The following SOX6 variants were observed in gnomAD, a reference collection of about 807,000 sequenced individuals.
SOX6 encodes SRY-box transcription factor 6, also known as transcription factor SOX-6.
Under a neutral mutation model 97.8 loss-of-function variants are expected in SOX6, and 11 were observed. That is an observed-to-expected ratio of 0.11 (90% CI 0.07 to 0.19). The LOEUF (loss-of-function observed/expected upper bound fraction) is 0.19, where lower values mean the gene tolerates loss of function less well. Among genes scored for constraint, SOX6 ranks in the 10% least tolerant of loss-of-function variants. The pLI, the probability that SOX6 is intolerant of heterozygous loss-of-function variation, is 1.00. For missense variants in SOX6, 810 were observed against 1,039.5 expected, an observed-to-expected ratio of 0.78 and a Z score of 3.04; for synonymous variants, 360 against 371.4, an observed-to-expected ratio of 0.97 and a Z score of 0.35.
Position 16,229,489 on chromosome 11 carries a change from G to A in SOX6, c.535+5093C>T, listed in dbSNP as rs7106378. Among the ~76,000 whole-genome samples, 1,102 of 151,890 alleles carry A rather than the reference G, an allele frequency of 7.3e-3. 16 individuals carry two copies. Among genetic ancestry groups the A allele is most frequent in the African/African-American group, 0.025 (1,017 of 41,480 alleles). The stretch of plus-strand genomic sequence containing the variant: ...AGCAGAATTGACAAATCCAAAAACT[G>A]GATTATTGGGGGAGGTAGAGCAATA... On this transcript the variant is annotated intron_variant, in intron 4 of 15. Transcript: ENST00000683767.
intron 3 of SOX6, among the ~76,000 whole-genome samples, chr11:16,691,625 C>A (rs905133920): frequency 2.0e-5 from 3 of 152,130 alleles, no homozygotes; most frequent in African/African-American, 7.2e-5. Context: ...AGCAAAACCC[C>A]ATCTCTACAA....
At chr11:16,471,772 C>G (rs933445605) in intron 1 of SOX6, among the ~76,000 whole-genome samples, 1 of 152,156 alleles carries the variant, frequency 6.6e-6, no homozygotes, top group South Asian at 2.1e-4. Flanking sequence ...TTTCTTTAAC[C>G]AAAAGGTTCT....
At chr11:16,157,245 G>T (rs1254943524) in intron 6 of SOX6, among the ~76,000 whole-genome samples, 2 of 151,568 alleles carry the variant, frequency 1.3e-5, no homozygotes, top group Non-Finnish European at 2.9e-5. Flanking sequence ...TTCCCTTTTG[G>T]ATTACTTCAA....
chr11:16,611,679 G>T (rs556208250), intron 4 of SOX6, among the ~76,000 whole-genome samples: 1 of 152,218 alleles, frequency 6.6e-6, no homozygotes, highest in Non-Finnish European at 1.5e-5. Flanking sequence ...GTCGGAACTC[G>T]TGTTTCAGCA....
chr11:16,616,676 T>C (rs1037895756), intron 3 of SOX6, among the ~76,000 whole-genome samples: 5 of 152,052 alleles, frequency 3.3e-5, no homozygotes, highest in African/African-American at 1.2e-4. Context: ...TGAAAATTAA[T>C]TTTTATTAAA....
rs115402231 is a variant in SOX6, at chr11:16,366,465, G to T, written c.-4-25213C>A. Among the ~76,000 whole-genome samples the T allele has an allele frequency of 2.4e-3, 361 of 152,186 alleles. 5 individuals are homozygous for T. The highest frequency in any genetic ancestry group is 8.2e-3 in the African/African-American group (340 of 41,554). On this transcript the variant is annotated intron_variant, in intron 1 of 15. Coordinates refer to the SOX6 transcript ENST00000396356. Reference sequence around the variant, plus strand: ...CTTAATCCTTCCCAGTCTATGACAGGTATGGGTAATATTATCCACAATCTA... The same window carrying T: ...CTTAATCCTTCCCAGTCTATGACAGTTATGGGTAATATTATCCACAATCTA...
At chr11:16,137,340 C>T (rs539461882) in intron 6 of SOX6, among the ~76,000 whole-genome samples, 2 of 152,114 alleles carry the variant, frequency 1.3e-5, no homozygotes, top group African/African-American at 4.8e-5. Flanking sequence ...GCACAAGAAT[C>T]GCTTGAGCCC....
At chr11:16,648,928 T>A (rs1408351299) in intron 3 of SOX6, among the ~76,000 whole-genome samples, 1 of 151,786 alleles carries the variant, frequency 6.6e-6, no homozygotes, top group African/African-American at 2.4e-5. Context: ...GAAAAAATAA[T>A]CACAACTTCT....
intron 4 of SOX6, chr11:16,484,114 C>G: frequency 2.6e-6 from 2 of 771,072 alleles, no homozygotes; most frequent in East Asian, 4.9e-5. Context: ...ACAGGTGACA[C>G]TCAATCTGGT....
intron 4 of SOX6, among the ~76,000 whole-genome samples, chr11:16,535,324 C>A (rs774972447): frequency 6.6e-6 from 1 of 152,168 alleles, no homozygotes; most frequent in Non-Finnish European, 1.5e-5. Context: ...TACCTATGCC[C>A]CAAAAATCAA....
At chr11:16,712,078 TACACACACACACAC>T (rs58807051) in intron 3 of SOX6, among the ~76,000 whole-genome samples, 28 of 139,994 alleles carry the variant, frequency 2.0e-4, no homozygotes, top group South Asian at 1.9e-3. Flanking sequence ...TAGTATTCCA[TACACACACACACAC>T]ACACACACAC....
At position 16,441,918 on chromosome 11, in the gene SOX6, T is replaced by C. The variant is rs185149949; in HGVS notation, c.-5+34397A>G. Among the ~76,000 whole-genome samples, 328 of 152,298 alleles carry C rather than the reference T, an allele frequency of 2.2e-3. 1 individual carries two copies. Among genetic ancestry groups the C allele is most frequent in the African/African-American group, 7.5e-3 (312 of 41,554 alleles). On this transcript the variant is annotated intron_variant, in intron 1 of 15. Coordinates refer to the SOX6 transcript ENST00000396356. ...GTTTGTACACTTTAAGAAATGACTGTCGTGAAACTGAGCACTCCCTTGGGT... is the reference window on the plus strand; with the variant it reads ...GTTTGTACACTTTAAGAAATGACTGCCGTGAAACTGAGCACTCCCTTGGGT...
At chr11:16,506,678 G>T (rs1187204623) in intron 4 of SOX6, among the ~76,000 whole-genome samples, 1 of 152,200 alleles carries the variant, frequency 6.6e-6, no homozygotes, top group African/African-American at 2.4e-5. Flanking sequence ...AGTGTTGGAG[G>T]AGGGAGCTGG....
At chr11:15,988,089 C>T (rs1475916530) in intron 14 of SOX6, among the ~76,000 whole-genome samples, 1 of 152,048 alleles carries the variant, frequency 6.6e-6, no homozygotes, top group African/African-American at 2.4e-5. Flanking sequence ...AAATTAAAAC[C>T]ACAGTTTAAG....
At chr11:16,233,360 T>C (rs1353217893) in intron 4 of SOX6, among the ~76,000 whole-genome samples, 1 of 151,900 alleles carries the variant, frequency 6.6e-6, no homozygotes, top group Non-Finnish European at 1.5e-5. Context: ...TCAGCAAGAG[T>C]TTGGTTAGTA....
chr11:16,253,071 G>C (rs373610461), intron 3 of SOX6, among the ~76,000 whole-genome samples: 1 of 152,118 alleles, frequency 6.6e-6, no homozygotes, highest in East Asian at 1.9e-4. Context: ...GGACAGGCTG[G>C]GCACGGTGGC....
Position 16,384,466 on chromosome 11 carries a change from A to G in SOX6, c.-4-43214T>C, listed in dbSNP as rs560333681. ...CACGTGAAAAAGAAAAAATGCTAAAAGTAGATTCATCTTAAAGATACTATT... is the reference window on the plus strand; with the variant it reads ...CACGTGAAAAAGAAAAAATGCTAAAGGTAGATTCATCTTAAAGATACTATT... On this transcript the variant is annotated intron_variant, in intron 1 of 15. Coordinates refer to the SOX6 transcript ENST00000396356. Among the ~76,000 whole-genome samples the G allele has an allele frequency of 5.9e-5, 9 of 152,118 alleles. No individual in the cohort carries two copies. In the East Asian group the frequency reaches 1.5e-3, roughly 26 times the overall value.
At chr11:16,092,449 C>T (rs1590191126) in intron 9 of SOX6, among the ~76,000 whole-genome samples, 4 of 151,998 alleles carry the variant, frequency 2.6e-5, no homozygotes. Flanking sequence ...GAACACATTA[C>T]TGAGATAGTA....
chr11:16,725,294 T>A (rs1262211020), intron 2 of SOX6, among the ~76,000 whole-genome samples: 1 of 152,122 alleles, frequency 6.6e-6, no homozygotes, highest in African/African-American at 2.4e-5. Flanking sequence ...AAGGCCAAAG[T>A]GGGTGGACCC....
Sources: allele counts gnomAD v4.1 joint callset (sites outside exome capture counted in the v4.1 genomes callset), GRCh38; gene constraint gnomAD v4.1.1; transcripts MANE v1.5; gene names NCBI Gene and HGNC (gene_info 2026-07-23, HGNC 2026-07-21).